The following GATA4 variants were observed in gnomAD, a reference collection of about 807,000 sequenced individuals.
The protein encoded by GATA4 is transcription factor GATA-4.
Under a neutral mutation model 37.9 loss-of-function variants are expected in GATA4, and 7 were observed. The observed-to-expected ratio is 0.18, with a 90% confidence interval of 0.11 to 0.35. The LOEUF (loss-of-function observed/expected upper bound fraction) is 0.35, where lower values mean the gene tolerates loss of function less well. Among genes scored for constraint, GATA4 ranks in the 10% least tolerant of loss-of-function variants. The pLI is 1.00. For missense variants in GATA4, 647 were observed against 653.0 expected (o/e 0.99, Z 0.10); for synonymous variants, 372 against 292.6 (o/e 1.27, Z -2.77).
rs866633539 is a variant in GATA4, at chr8:11,708,102, G to A, written c.-211G>A. The A allele has an allele frequency of 5.5e-5, 36 of 656,828 alleles. No homozygotes were observed. The South Asian group carries it at 5.9e-4, about 11-fold the overall frequency. 40.7% of individuals were successfully genotyped at this position (656,828 alleles called of 1,614,324 possible). A position where few individuals can be genotyped will look rare whatever the true frequency, so the allele number is the denominator to read the frequency against. On this transcript the variant is annotated 5_prime_UTR_variant, in exon 2 of 7. Transcript: ENST00000532059. This position sits in a 1 kb window ranked among gnomAD's most constrained non-coding sequence, Gnocchi z 6.7. ...CCAAAAATTCAAATTGGGATTTTCC[G>A]GAGTAAACAAGAGCCTAGAGCCCTT... is the stretch of plus-strand genomic sequence containing the variant.
At chr8:11,756,387 G>GAGT in intron 5 of GATA4, 1 of 177,374 alleles carries the variant, frequency 5.6e-6, no homozygotes. Flanking sequence ...ATGTCCCCTG[G>GAGT]GTAACCTTAT....
upstream of GATA4, among the ~76,000 whole-genome samples, chr8:11,689,448 A>G (rs1382427642): frequency 1.3e-5 from 2 of 152,184 alleles, no homozygotes; most frequent in African/African-American, 2.4e-5. Flanking sequence ...ATCACCCCCA[A>G]TAAACAATGA....
chr8:11,682,805 C>T (rs1236097393), intron 1 of GATA4, among the ~76,000 whole-genome samples: 2 of 152,132 alleles, frequency 1.3e-5, no homozygotes, highest in Non-Finnish European at 2.9e-5. Context: ...ACCTCTTGGC[C>T]GTGGCGATGT....
intron 2 of GATA4, among the ~76,000 whole-genome samples, chr8:11,710,688 C>CAAAAAAA (rs57178682): frequency 2.7e-5 from 1 of 37,280 alleles, no homozygotes; most frequent in African/African-American, 1.2e-4. Flanking sequence ...GACTACGTCT[C>CAAAAAAA]AAAAAAAAAA....
At chr8:11,703,402 C>G (rs935006943), upstream of GATA4, among the ~76,000 whole-genome samples, 1 of 152,150 alleles carries the variant, frequency 6.6e-6, no homozygotes, top group South Asian at 2.1e-4. Flanking sequence ...ACACATTCCC[C>G]TCCCCCATAC....
chr8:11,693,708 T>A (rs1032046301), intron 1 of GATA4, among the ~76,000 whole-genome samples: 2 of 152,018 alleles, frequency 1.3e-5, no homozygotes, highest in Non-Finnish European at 2.9e-5. Context: ...GAAACTATAC[T>A]GGGGCCTGCA....
At chr8:11,711,553 G>A (rs113819641) in intron 2 of GATA4, among the ~76,000 whole-genome samples, 3,787 of 152,192 alleles carry the variant, frequency 0.025, 100 homozygotes, top group East Asian at 0.11. Flanking sequence ...TGAGGCAGGA[G>A]GATCATTTGA....
intron 1 of GATA4, among the ~76,000 whole-genome samples, chr8:11,685,313 C>T (rs1799102199): frequency 6.6e-6 from 1 of 152,246 alleles, no homozygotes; most frequent in East Asian, 1.9e-4. Flanking sequence ...CCAATTCTTT[C>T]TGCCTAATGT....
chr8:11,679,127 T>C (rs940554887), intron 1 of GATA4, among the ~76,000 whole-genome samples: 11 of 146,724 alleles, frequency 7.5e-5, no homozygotes, highest in African/African-American at 2.5e-4. Flanking sequence ...CAATCTCCAA[T>C]TGTCTAAACA....
At chr8:11,687,955 T>A (rs1037206799), upstream of GATA4, among the ~76,000 whole-genome samples, 2 of 152,246 alleles carry the variant, frequency 1.3e-5, no homozygotes, top group Admixed American at 6.5e-5. Flanking sequence ...ATGTCATTTT[T>A]AAAAATTAGT....
chr8:11,693,964 G>C (rs1456601411), intron 1 of GATA4, among the ~76,000 whole-genome samples: 2 of 152,156 alleles, frequency 1.3e-5, no homozygotes, highest in Non-Finnish European at 2.9e-5. Context: ...TCCAGAAAGA[G>C]TACTAGGTAA....
At chr8:11,727,920 G>T (rs937199230) in intron 2 of GATA4, among the ~76,000 whole-genome samples, 1 of 152,176 alleles carries the variant, frequency 6.6e-6, no homozygotes, top group African/African-American at 2.4e-5. Flanking sequence ...CTCCATAGAG[G>T]CTAAGAAATA....
At chr8:11,682,841 C>G (rs1195347790) in intron 1 of GATA4, among the ~76,000 whole-genome samples, 1 of 152,282 alleles carries the variant, frequency 6.6e-6, no homozygotes, top group African/African-American at 2.4e-5. Context: ...TCCAATAGTC[C>G]TTCTCACTTC....
intron 2 of GATA4, among the ~76,000 whole-genome samples, chr8:11,733,286 G>A (rs1045701873): frequency 6.6e-5 from 10 of 152,012 alleles, no homozygotes; most frequent in African/African-American, 1.9e-4. Context: ...TAAATACAAC[G>A]TGTCCAGCTG....
upstream of GATA4, among the ~76,000 whole-genome samples, chr8:11,690,898 A>T (rs1799291510): frequency 6.6e-6 from 1 of 152,226 alleles, no homozygotes; most frequent in Admixed American, 6.5e-5. Flanking sequence ...AAGGTTATGT[A>T]AGAAGATACC....
chr8:11,678,411 C>G (rs551464015), intron 1 of GATA4, among the ~76,000 whole-genome samples: 1 of 152,224 alleles, frequency 6.6e-6, no homozygotes, highest in African/African-American at 2.4e-5. Flanking sequence ...ACAAAACTTA[C>G]AATCATCTGC....
chr8:11,734,981 A>G (rs917741339), intron 2 of GATA4, among the ~76,000 whole-genome samples: 2 of 152,262 alleles, frequency 1.3e-5, no homozygotes, highest in African/African-American at 4.8e-5. Context: ...ATTTATTAAT[A>G]TAATGGAAAA....
intron 2 of GATA4, among the ~76,000 whole-genome samples, chr8:11,726,359 A>G (rs1436252056): frequency 6.6e-6 from 1 of 152,224 alleles, no homozygotes; most frequent in Non-Finnish European, 1.5e-5. Flanking sequence ...CCCAAAACCT[A>G]GAAGGCCAGG....
At chr8:11,757,138 T>C in intron 6 of GATA4, 55 bp downstream of exon 6, 1 of 1,606,720 alleles carries the variant, frequency 6.2e-7, no homozygotes, top group Non-Finnish European at 8.5e-7. Flanking sequence ...GACTGCAGAG[T>C]CCCAGAGGCC....
Sources: gnomAD v4.1 joint callset for allele counts (sites outside exome capture counted in the v4.1 genomes callset) on GRCh38, gnomAD v4.1.1 for gene constraint, Gnocchi (gnomAD v3.1) non-coding constraint, MANE v1.5 for transcripts, NCBI Gene and HGNC (gene_info 2026-07-23, HGNC 2026-07-21) for gene names.